FRMPD4: variants seen among roughly 807,000 people sequenced by gnomAD.
FRMPD4 encodes the protein FERM and PDZ domain containing 4.
Under a neutral mutation model 94.1 loss-of-function variants are expected in FRMPD4, and 22 were observed. The observed-to-expected ratio is 0.23, with a 90% CI of 0.17 to 0.33. FRMPD4 has a LOEUF of 0.33. FRMPD4 is among the 10% of genes least tolerant of loss of function. FRMPD4 has a pLI of 1.00. For synonymous variants in FRMPD4, 631 were observed against 548.6 expected, an observed-to-expected ratio of 1.15 and a Z score of -2.10; for missense variants, 1,111 against 1,339.9, an observed-to-expected ratio of 0.83 and a Z score of 2.67.
chrX:12,036,309 C>T (rs1269887685), intron 3 of FRMPD4, among the ~76,000 whole-genome samples: 1 of 111,961 alleles, frequency 8.9e-6, no homozygotes, highest in Non-Finnish European at 1.9e-5. Context: ...TACAACAACA[C>T]TGGTGACACT....
chrX:12,054,972 C>T (rs921809099), intron 3 of FRMPD4: 1 of 111,617 alleles, frequency 9.0e-6, no homozygotes, highest in East Asian at 2.8e-4. Flanking sequence ...TGTGATGTGA[C>T]AAGTCAGTTT....
intron 2 of FRMPD4, among the ~76,000 whole-genome samples, chrX:12,609,251 G>A (rs1431411803): frequency 1.8e-5 from 2 of 111,406 alleles, no homozygotes; most frequent in East Asian, 5.6e-4. Context: ...GGGTGGCAGA[G>A]GAGGAAGAAA....
intron 1 of FRMPD4, among the ~76,000 whole-genome samples, chrX:11,827,661 G>A (rs1030293734): frequency 1.4e-4 from 16 of 111,657 alleles, no homozygotes; most frequent in African/African-American, 4.6e-4. Context: ...CTTACCCTGC[G>A]TTTAAGGGAA....
rs1012195131 is a variant in FRMPD4 at position 12,108,915 on chromosome X, T to A, written c.95+230897T>A. The stretch of plus-strand genomic sequence containing the variant: ...GCACCCAATACAGGAGCAGCCAGAT[T>A]CATAAAGCAAGTCCTTAGAGATCTA... On this transcript the variant is annotated intron_variant, in intron 3 of 18. Transcript: ENST00000640291. 2.7e-5 allele frequency among the ~76,000 whole-genome samples: 3 copies of A among 110,659 alleles called. No homozygotes were observed. The Admixed American group carries it at 2.9e-4, about 11-fold the overall frequency.
At chrX:12,679,317 A>G (rs2059939099) in intron 5 of FRMPD4, among the ~76,000 whole-genome samples, 2 of 111,640 alleles carry the variant, frequency 1.8e-5, no homozygotes, top group Admixed American at 9.5e-5. Flanking sequence ...AGTTTTTTTT[A>G]TACTCACAGG....
At chrX:12,488,627 A>T (rs1266673331) in intron 1 of FRMPD4, among the ~76,000 whole-genome samples, 1 of 79,370 alleles carries the variant, frequency 1.3e-5, no homozygotes, top group Non-Finnish European at 2.9e-5. Flanking sequence ...TGGAAAATAG[A>T]ATTTTTTTTT....
chrX:12,657,109 C>T (rs190831088), intron 4 of FRMPD4, among the ~76,000 whole-genome samples: 6,992 of 109,436 alleles, frequency 0.064, 245 homozygotes, highest in Middle Eastern at 0.13. Context: ...ACAAAAACCT[C>T]AAAACTTAGG....
At chrX:11,954,574 G>C (rs868315726) in intron 3 of FRMPD4, among the ~76,000 whole-genome samples, 1 of 111,701 alleles carries the variant, frequency 9.0e-6, no homozygotes, top group Non-Finnish European at 1.9e-5. Flanking sequence ...GGATCTTTAG[G>C]TAGGAAGTAA....
chrX:12,668,460 T>A (rs2059802378), intron 4 of FRMPD4, among the ~76,000 whole-genome samples: 1 of 111,484 alleles, frequency 9.0e-6, no homozygotes, highest in South Asian at 3.7e-4. Flanking sequence ...ACTATAGCTG[T>A]AAAGACTTTA....
intron 1 of FRMPD4, among the ~76,000 whole-genome samples, chrX:12,332,016 T>A (rs1212842138): frequency 1.5e-5 from 1 of 67,534 alleles, no homozygotes; most frequent in Non-Finnish European, 2.4e-5. Flanking sequence ...TTATATACTA[T>A]ATATAAATTA....
intron 4 of FRMPD4, among the ~76,000 whole-genome samples, chrX:12,635,632 G>T (rs748156061): frequency 2.0e-4 from 22 of 111,081 alleles, no homozygotes; most frequent in Non-Finnish European, 3.8e-4. Flanking sequence ...ATTCCTGCCC[G>T]TGAGAAAAGG....
At chrX:12,096,035 C>G (rs2055198144) in intron 3 of FRMPD4, among the ~76,000 whole-genome samples, 1 of 112,191 alleles carries the variant, frequency 8.9e-6, no homozygotes, top group Admixed American at 9.4e-5. Context: ...ATAAGCTTCA[C>G]AAGGGCAAGG....
At chrX:12,375,643 C>T in intron 1 of FRMPD4, among the ~76,000 whole-genome samples, 1 of 112,384 alleles carries the variant, frequency 8.9e-6, no homozygotes, top group Non-Finnish European at 1.9e-5. Flanking sequence ...ATTTTAAGGT[C>T]AGCCGATCAA....
chrX:12,397,312 C>G (rs1601897583), intron 1 of FRMPD4, among the ~76,000 whole-genome samples: 1 of 110,756 alleles, frequency 9.0e-6, no homozygotes, highest in South Asian at 3.8e-4. Flanking sequence ...TCAGAACTAG[C>G]CTTCTATGGA....
chrX:12,186,141 T>G (rs1429882215), intron 1 of FRMPD4, among the ~76,000 whole-genome samples: 1 of 111,332 alleles, frequency 9.0e-6, no homozygotes, highest in African/African-American at 3.3e-5. Flanking sequence ...CACAATAACT[T>G]TAAAAAAATC....
intron 3 of FRMPD4, among the ~76,000 whole-genome samples, chrX:12,045,571 G>A (rs2147446635): frequency 9.0e-6 from 1 of 110,999 alleles, no homozygotes; most frequent in East Asian, 2.8e-4. Context: ...AAATTGCAGA[G>A]GAAGTCTTCC....
intron 3 of FRMPD4, among the ~76,000 whole-genome samples, chrX:12,060,741 T>A (rs2054881094): frequency 9.0e-6 from 1 of 111,556 alleles, no homozygotes; most frequent in East Asian, 2.8e-4. Flanking sequence ...TAAAATTGTA[T>A]GCCTTGTAGT....
At chrX:12,503,000 A>T (rs188251192) in intron 2 of FRMPD4, among the ~76,000 whole-genome samples, 1 of 112,493 alleles carries the variant, frequency 8.9e-6, no homozygotes, top group Non-Finnish European at 1.9e-5. Flanking sequence ...AGAATGAGGA[A>T]CACCATTTTT....
chrX:12,248,554 A>G (rs1351141322), intron 1 of FRMPD4, among the ~76,000 whole-genome samples: 1 of 112,470 alleles, frequency 8.9e-6, no homozygotes, highest in Non-Finnish European at 1.9e-5. Context: ...AGGGTCATGT[A>G]TAGTCTATGT....
Sources: gnomAD v4.1 joint callset for allele counts (sites outside exome capture counted in the v4.1 genomes callset) on GRCh38, gnomAD v4.1.1 for gene constraint, MANE v1.5 for transcripts, NCBI Gene and HGNC (gene_info 2026-07-23, HGNC 2026-07-21) for gene names.